YY1AP1: variants seen among roughly 807,000 people sequenced by gnomAD.
YY1AP1 encodes YY1 associated protein 1, also known as YY1-associated protein 1.
YY1AP1 carries 43 observed loss-of-function variants against 39.9 expected under a neutral mutation model. The observed-to-expected ratio is 1.08, with a 90% confidence interval of 0.84 to 1.39. The LOEUF (loss-of-function observed/expected upper bound fraction) is 1.39. Among genes scored for constraint, YY1AP1 ranks in the 40% most tolerant of loss-of-function variants. YY1AP1 has a pLI of 0.00. For missense variants in YY1AP1, 813 were observed against 900.7 expected, an observed-to-expected ratio of 0.90 and a Z score of 1.25; for synonymous variants, 292 against 331.3, an observed-to-expected ratio of 0.88 and a Z score of 1.29.
At position 155,661,354 on chromosome 1, in the gene YY1AP1, T is replaced by G. The variant is rs777608130; in HGVS notation, c.949A>C (p.Lys317Gln). The change falls in exon 10 of 11, where the codon AAG becomes CAG. Residue 317 changes from lysine to glutamine, a missense_variant. This residue lies in a region of YY1AP1 where 586 missense variants were observed against 647.4 expected (regional missense o/e 0.91). Transcript: ENST00000355499. ...TGTTCTTCTCTCTCTATAGGTGGCT[T>G]CCACTGATGTGGCTGGATCTCTTCA... ...CCEEIQPHQW[K>Q]PPIEREEHRL... is the part of the protein sequence containing the mutation. 3.7e-6 allele frequency: 6 copies of G among 1,613,918 alleles called. No homozygotes were observed. In the Admixed American group the frequency reaches 6.7e-5, roughly 18 times the overall value.
chr1:155,688,073 T>G lies in YY1AP1; in HGVS notation c.-23A>C, dbSNP rs964482682. 6.3e-7 allele frequency: 1 copy of G among 1,580,886 alleles called. No homozygotes were observed. Among genetic ancestry groups the G allele is most frequent in the Non-Finnish European group, 8.6e-7 (1 of 1,159,964 alleles). On this transcript the variant is annotated splice_region_variant and 5_prime_UTR_variant, in exon 2 of 11. Coordinates refer to ENST00000355499, the MANE Select transcript of YY1AP1 (RefSeq NM_139119.3). ...CCGGCCCAAATCGTTCTACTCACCG[T>G]GTCGGAGGCCGAGAGCGATGAGAGT...
intron 8 of YY1AP1, among the ~76,000 whole-genome samples, chr1:155,669,875 C>T (rs1241286993): frequency 6.6e-6 from 1 of 152,084 alleles, no homozygotes; most frequent in Non-Finnish European, 1.5e-5. Context: ...CAAAAAAAAT[C>T]AGCCATGTAT....
chr1:155,659,927 G>T lies in YY1AP1; in HGVS notation c.1983C>A (p.Pro661=). Residue 661 remains proline (P), a synonymous_variant, in exon 11 of 11, where the codon CCC becomes CCA. Transcript: ENST00000355499. ...TAGCAGAGAGAGGAGATAGTTCCTG[G>T]GGCTCTAATTTGGGTTCTAGGCCCT... ...AFQGLEPKLE[P]QELSPLSATV... 1 of 1,614,148 alleles carries T rather than the reference G, an allele frequency of 6.2e-7. No homozygotes were observed. The highest frequency in any genetic ancestry group is 1.7e-5 in the Admixed American group (1 of 60,012).
chr1:155,663,671 A>T (rs1483604857), intron 9 of YY1AP1, among the ~76,000 whole-genome samples: 2 of 152,130 alleles, frequency 1.3e-5, no homozygotes, highest in African/African-American at 4.8e-5. Flanking sequence ...GTGAGCCAAG[A>T]TCACGCCATT....
At chr1:155,667,953 A>AAC (rs575258946) in intron 9 of YY1AP1, among the ~76,000 whole-genome samples, 9,647 of 144,842 alleles carry the variant, frequency 0.067, 578 homozygotes, top group African/African-American at 0.17. Flanking sequence ...GACACACACA[A>AAC]ACACACACAC....
chr1:155,686,021 T>A (rs894001911), intron 2 of YY1AP1, among the ~76,000 whole-genome samples: 7 of 141,482 alleles, frequency 4.9e-5, no homozygotes, highest in Non-Finnish European at 1.1e-4. Flanking sequence ...CTACATGAAA[T>A]CAGTCTTTTT....
chr1:155,670,493 A>G (rs548923648), intron 7 of YY1AP1, 29 bp from the exon 8 acceptor site: 2 of 1,612,612 alleles, frequency 1.2e-6, no homozygotes, highest in Non-Finnish European at 1.7e-6. Flanking sequence ...CTGATAAATC[A>G]ACTTCTAGGA....
intron 9 of YY1AP1, among the ~76,000 whole-genome samples, chr1:155,665,543 G>A (rs1205194104): frequency 2.0e-5 from 3 of 151,808 alleles, no homozygotes; most frequent in Admixed American, 1.3e-4. Flanking sequence ...ACGTTGCAGT[G>A]AGCCAAGATC....
At chr1:155,663,790 T>TAAGGC (rs1407413274) in intron 9 of YY1AP1, among the ~76,000 whole-genome samples, 1 of 151,816 alleles carries the variant, frequency 6.6e-6, no homozygotes, top group African/African-American at 2.4e-5. Flanking sequence ...AGACAAATAC[T>TAAGGC]AAGGCATATT....
At chr1:155,687,714 C>A (rs539940296) in intron 2 of YY1AP1, among the ~76,000 whole-genome samples, 2 of 147,084 alleles carry the variant, frequency 1.4e-5, no homozygotes, top group East Asian at 2.0e-4. Flanking sequence ...CTCTCAAGAT[C>A]GTGTCCTCGA....
chr1:155,660,727 C>G lies in YY1AP1; in HGVS notation c.1183G>C (p.Val395Leu). ...GCCTTCTTGGGGAAACGGTCGGCAA[C>G]TGGCTTCAGTTTCAGGACTACACCC... ...PKGVVLKLKP[V>L]ADRFPKKAWR... Residue 395 changes from valine (V) to leucine (L), a missense_variant, in exon 11 of 11, where the codon GTT becomes CTT. Around this residue, in one of 3 missense-constraint regions of YY1AP1, gnomAD observed 586 missense variants for 647.4 expected, o/e 0.91. Coordinates refer to ENST00000355499, the MANE Select transcript of YY1AP1 (RefSeq NM_139119.3). 6.2e-7 allele frequency: 1 copy of G among 1,614,224 alleles called. No homozygotes were observed. Among genetic ancestry groups the G allele is most frequent in the Non-Finnish European group, 8.5e-7 (1 of 1,180,036 alleles).
rs1558304643 is a variant in YY1AP1 at position 155,668,607 on chromosome 1, T to C, written c.879+20A>G. ...ATGTGTTGGTGAGGTGCCTGGATAG[T>C]GCATGCAGGAAACACTCACTTTAAT... is the stretch of plus-strand genomic sequence containing the variant. On this transcript the variant is annotated intron_variant, in intron 9 of 10. Transcript: ENST00000355499. 1 of 1,614,110 alleles carries C rather than the reference T, an allele frequency of 6.2e-7. No individual in the cohort carries two copies. The highest frequency in any genetic ancestry group is 8.5e-7 in the Non-Finnish European group (1 of 1,179,982).
At chr1:155,688,888 T>C, upstream of YY1AP1, 1 of 1,611,846 alleles carries the variant, frequency 6.2e-7, no homozygotes, top group East Asian at 2.2e-5. Context: ...GCCGTTTGAC[T>C]GGAATTGCCA....
At chr1:155,674,672 C>CA (rs1650369411) in intron 6 of YY1AP1, 7 of 211,036 alleles carry the variant, frequency 3.3e-5, no homozygotes, top group South Asian at 6.4e-5. Context: ...ACTAAAAATA[C>CA]AAAAAAAATT....
chr1:155,668,496 T>G, intron 9 of YY1AP1, 131 bp downstream of exon 9: 1 of 1,402,032 alleles, frequency 7.1e-7, no homozygotes, highest in African/African-American at 1.4e-5. Context: ...ACAGGGGAAT[T>G]AATCTAGTAT....
Position 155,680,305 on chromosome 1 carries a change from G to A in YY1AP1, c.21+111C>T, listed in dbSNP as rs1651332688. On this transcript the variant is annotated intron_variant, in intron 3 of 10. Transcript: ENST00000355499. ...TATTCTTTCCCAGGTAGACTAAAAGGAGAATTGGTTCAGTCCCTCTTCTAG... is the reference window on the plus strand; with the variant it reads ...TATTCTTTCCCAGGTAGACTAAAAGAAGAATTGGTTCAGTCCCTCTTCTAG... 6 of 1,224,420 alleles carry A rather than the reference G, an allele frequency of 4.9e-6. No homozygotes were observed. In the South Asian group the frequency reaches 6.5e-5, roughly 13 times the overall value. The allele number at this position is 1,224,420 out of a possible 1,614,324, so 75.8% of individuals were successfully genotyped here.
intron 7 of YY1AP1, chr1:155,672,304 T>C (rs925569020): frequency 1.1e-5 from 6 of 554,426 alleles, no homozygotes; most frequent in Admixed American, 6.0e-5. Context: ...TTCTTAGCAC[T>C]GAGCCTCAGA....
At chr1:155,663,286 A>C (rs1648446159) in intron 9 of YY1AP1, among the ~76,000 whole-genome samples, 1 of 149,942 alleles carries the variant, frequency 6.7e-6, no homozygotes, top group Non-Finnish European at 1.5e-5. Flanking sequence ...CACGAGAATC[A>C]CTTGAACCCA....
At chr1:155,663,369 C>CAA (rs59153587) in intron 9 of YY1AP1, among the ~76,000 whole-genome samples, 8 of 115,626 alleles carry the variant, frequency 6.9e-5, no homozygotes, top group Admixed American at 9.2e-5. Context: ...GACTCCATCT[C>CAA]AAAAAAAAAA....
Sources: gnomAD v4.1 joint callset for allele counts (sites outside exome capture counted in the v4.1 genomes callset) on GRCh38, gnomAD v4.1.1 for gene constraint, gnomAD v4.1.1 regional missense constraint, MANE v1.5 for transcripts, NCBI Gene and HGNC (gene_info 2026-07-23, HGNC 2026-07-21) for gene names.